Variants in THSD7A observed in about 807,000 individuals in gnomAD.
THSD7A encodes thrombospondin type 1 domain containing 7A.
THSD7A carries 96 observed loss-of-function variants against 231.3 expected under a neutral mutation model. That is an observed-to-expected ratio of 0.41 (90% CI 0.35 to 0.49). The LOEUF is 0.49. Ranked by LOEUF, THSD7A falls within the 20% of genes least tolerant of loss-of-function variation. The pLI is 0.05. For missense variants in THSD7A, 2,290 were observed against 2,070.2 expected, an observed-to-expected ratio of 1.11 and a Z score of -2.06; for synonymous variants, 940 against 743.3, an observed-to-expected ratio of 1.26 and a Z score of -4.30.
chr7:11,731,810 T>G (rs1343318661), intron 1 of THSD7A, among the ~76,000 whole-genome samples: 1 of 151,648 alleles, frequency 6.6e-6, no homozygotes, highest in Non-Finnish European at 1.5e-5. Flanking sequence ...ATCTTGTTGA[T>G]AAAAGAAGAA....
chr7:11,613,959 C>T (rs1001088812), intron 2 of THSD7A, among the ~76,000 whole-genome samples: 3 of 152,148 alleles, frequency 2.0e-5, no homozygotes, highest in African/African-American at 4.8e-5. Context: ...AAAAGCAATA[C>T]GATGACCATA....
intron 9 of THSD7A, among the ~76,000 whole-genome samples, chr7:11,465,645 T>A (rs554134367): frequency 1.3e-5 from 2 of 152,058 alleles, no homozygotes; most frequent in South Asian, 2.1e-4. Flanking sequence ...GAAAGGGAAA[T>A]GTCTCATCCA....
chr7:11,530,900 A>C (rs1056025273), intron 6 of THSD7A, among the ~76,000 whole-genome samples: 8 of 152,062 alleles, frequency 5.3e-5, no homozygotes, highest in African/African-American at 1.9e-4. Context: ...AATCCCAACT[A>C]CTTGGGAGGC....
intron 9 of THSD7A, among the ~76,000 whole-genome samples, chr7:11,462,999 G>T (rs1219851431): frequency 6.6e-6 from 1 of 152,002 alleles, no homozygotes; most frequent in Non-Finnish European, 1.5e-5. Flanking sequence ...ATGGCACAGG[G>T]TTTTACTTAC....
At chr7:11,746,196 C>T (rs917507714) in intron 1 of THSD7A, among the ~76,000 whole-genome samples, 3 of 151,844 alleles carry the variant, frequency 2.0e-5, no homozygotes, top group African/African-American at 7.2e-5. Context: ...TGTATTTAAA[C>T]ATTTATTTTG....
At chr7:11,383,349 GTTTA>G (rs1236935139) in intron 23 of THSD7A, among the ~76,000 whole-genome samples, 2 of 151,902 alleles carry the variant, frequency 1.3e-5, no homozygotes, top group African/African-American at 2.4e-5. Context: ...ACATAACACA[GTTTA>G]TTTAGCTATT....
intron 6 of THSD7A, among the ~76,000 whole-genome samples, chr7:11,507,658 G>A (rs1787611199): frequency 1.3e-5 from 2 of 149,168 alleles, no homozygotes; most frequent in Admixed American, 6.7e-5. Context: ...AGATAATACT[G>A]CTAATAATAC....
intron 4 of THSD7A, among the ~76,000 whole-genome samples, chr7:11,553,071 C>G (rs533496255): frequency 6.6e-6 from 1 of 152,160 alleles, no homozygotes; most frequent in African/African-American, 2.4e-5. Flanking sequence ...ATTTTCCTGG[C>G]ACGAGACAAA....
chr7:11,669,965 G>A (rs1163146286), intron 1 of THSD7A, among the ~76,000 whole-genome samples: 1 of 112,962 alleles, frequency 8.9e-6, no homozygotes, highest in African/African-American at 3.5e-5. Flanking sequence ...AAGTACTGTT[G>A]CATTCATGTG....
intron 2 of THSD7A, among the ~76,000 whole-genome samples, chr7:11,604,027 A>AT (rs1780650510): frequency 6.6e-6 from 1 of 150,848 alleles, no homozygotes; most frequent in Non-Finnish European, 1.5e-5. Flanking sequence ...TTAAAGTATA[A>AT]TAAAAAAAAA....
intron 7 of THSD7A, among the ~76,000 whole-genome samples, chr7:11,476,224 C>T (rs1224117133): frequency 6.6e-6 from 1 of 151,310 alleles, no homozygotes; most frequent in Non-Finnish European, 1.5e-5. Flanking sequence ...TTTTTTGAGA[C>T]AATTCCTACA....
rs1387945311 is a variant in THSD7A, at chr7:11,376,310, T to C, written c.4889+260A>G. Among the ~76,000 whole-genome samples the C allele has an allele frequency of 3.3e-5, 5 of 152,066 alleles. No homozygotes were observed. The South Asian group carries it at 6.2e-4, about 19-fold the overall frequency. On this transcript the variant is annotated intron_variant, in intron 27 of 27. Transcript: ENST00000423059. ...ATATAAAAATCTACAGTTCACCATA[T>C]TGAGTACAAAGCAATATTTTCTTGA...
chr7:11,714,430 C>T (rs7800743), intron 1 of THSD7A, among the ~76,000 whole-genome samples: 19,048 of 151,188 alleles, frequency 0.13, 1,554 homozygotes, highest in Non-Finnish European at 0.18. Context: ...CTATGACACA[C>T]GTATTTTTAC....
intron 1 of THSD7A, among the ~76,000 whole-genome samples, chr7:11,764,944 T>G (rs1782985940): frequency 6.6e-6 from 1 of 152,042 alleles, no homozygotes; most frequent in Non-Finnish European, 1.5e-5. Context: ...GTAGAAATGG[T>G]TTAAAATCTG....
intron 2 of THSD7A, among the ~76,000 whole-genome samples, chr7:11,610,380 A>G: frequency 6.6e-6 from 1 of 152,148 alleles, no homozygotes; most frequent in South Asian, 2.1e-4. Context: ...TTTGATAAGC[A>G]TGATGTAGAT....
intron 2 of THSD7A, among the ~76,000 whole-genome samples, chr7:11,603,157 C>T (rs997810965): frequency 5.3e-5 from 8 of 151,662 alleles, no homozygotes; most frequent in East Asian, 2.0e-4. Flanking sequence ...CCAGAATCTA[C>T]AATGAACTCA....
chr7:11,694,697 A>G (rs1780335866), intron 1 of THSD7A, among the ~76,000 whole-genome samples: 1 of 151,566 alleles, frequency 6.6e-6, no homozygotes, highest in Non-Finnish European at 1.5e-5. Context: ...CACCTCTTGG[A>G]TGAACAATGT....
In THSD7A at chr7:11,377,703, A is replaced by C. The variant is rs1782330766; in HGVS notation, c.4802-1046T>G. On this transcript the variant is annotated intron_variant, in intron 26 of 27. Transcript: ENST00000423059. This position sits in a 1 kb window ranked among gnomAD's most constrained non-coding sequence, Gnocchi z 4.5. ...TTAGAATCAAAAGAGCTGTTCCACG[A>C]TTGAGGATCTCTGTTGAGAGTTTCT... Among the ~76,000 whole-genome samples the C allele has an allele frequency of 6.6e-6, 1 of 152,094 alleles. No individual in the cohort carries two copies. Among genetic ancestry groups the C allele is most frequent in the African/African-American group, 2.4e-5 (1 of 41,438 alleles).
intron 13 of THSD7A, among the ~76,000 whole-genome samples, chr7:11,443,019 T>C (rs1784853249): frequency 6.6e-6 from 1 of 152,118 alleles, no homozygotes; most frequent in Non-Finnish European, 1.5e-5. Context: ...ATTATTTTTG[T>C]TCTTTTACTT....
Sources: allele counts gnomAD v4.1 joint callset (sites outside exome capture counted in the v4.1 genomes callset), GRCh38; gene constraint gnomAD v4.1.1; non-coding constraint Gnocchi (gnomAD v3.1); transcripts MANE v1.5; gene names NCBI Gene and HGNC (gene_info 2026-07-23, HGNC 2026-07-21).